SHANK2: variants seen among roughly 807,000 people sequenced by gnomAD.
SHANK2 encodes the protein SH3 and multiple ankyrin repeat domains protein 2.
SHANK2 carries 43 observed loss-of-function variants against 133.7 expected under a neutral mutation model. That is an observed-to-expected ratio of 0.32 (90% CI 0.25 to 0.41). The LOEUF is 0.41. Among genes scored for constraint, SHANK2 ranks in the 10% least tolerant of loss-of-function variants. SHANK2 has a pLI of 1.00. For missense variants in SHANK2, 1,994 were observed against 2,235.8 expected (o/e 0.89, Z 2.18); for synonymous variants, 1,017 against 952.8 (o/e 1.07, Z -1.24).
intron 2 of SHANK2, among the ~76,000 whole-genome samples, chr11:71,168,653 T>A (rs1318703984): frequency 3.3e-5 from 5 of 152,066 alleles, no homozygotes; most frequent in African/African-American, 1.2e-4. Context: ...CGAAACCCTG[T>A]CTCCACCAAA....
intron 8 of SHANK2, among the ~76,000 whole-genome samples, chr11:71,086,945 G>A (rs1268578736): frequency 3.9e-5 from 6 of 152,158 alleles, no homozygotes; most frequent in Non-Finnish European, 7.4e-5. Context: ...ATGGCTTTCC[G>A]GGCCTTTCAT....
intron 2 of SHANK2, among the ~76,000 whole-genome samples, chr11:71,197,208 G>A (rs781864385): frequency 1.4e-4 from 21 of 152,090 alleles, no homozygotes; most frequent in Non-Finnish European, 1.5e-4. Flanking sequence ...GTGACCCAAC[G>A]TGTTTGTATC....
chr11:70,785,240 C>T (rs901094561), intron 14 of SHANK2, among the ~76,000 whole-genome samples: 2 of 152,210 alleles, frequency 1.3e-5, no homozygotes, highest in African/African-American at 2.4e-5. Flanking sequence ...CCTGGGCCCC[C>T]TCCTACCCTC....
At chr11:70,585,495 AC>A (rs2060237014) in intron 17 of SHANK2, among the ~76,000 whole-genome samples, 4 of 152,202 alleles carry the variant, frequency 2.6e-5, no homozygotes, top group Admixed American at 2.6e-4. Flanking sequence ...ACACAAATTG[AC>A]CAGAATCATT....
At chr11:71,112,383 ACT>A (rs1397961038) in intron 5 of SHANK2, among the ~76,000 whole-genome samples, 3 of 152,068 alleles carry the variant, frequency 2.0e-5, no homozygotes, top group Non-Finnish European at 2.9e-5. Flanking sequence ...ACACAGCAAA[ACT>A]CTGTCTCAAA....
intron 17 of SHANK2, among the ~76,000 whole-genome samples, chr11:70,658,776 T>C (rs1476349702): frequency 6.6e-6 from 1 of 152,204 alleles, no homozygotes; most frequent in African/African-American, 2.4e-5. Context: ...CGGGTGGAGA[T>C]GTGGGCTCCT....
chr11:70,603,544 G>A (rs1387490696), intron 17 of SHANK2: 1 of 152,304 alleles, frequency 6.6e-6, no homozygotes, highest in Non-Finnish European at 1.5e-5. Context: ...TTGAGCAGGT[G>A]AGCCACTAAT....
intron 14 of SHANK2, among the ~76,000 whole-genome samples, chr11:70,798,184 G>A (rs1947960228): frequency 6.6e-6 from 1 of 152,152 alleles, no homozygotes; most frequent in Non-Finnish European, 1.5e-5. Flanking sequence ...AGAACATACG[G>A]TCCAGGTTTT....
intron 1 of SHANK2, chr11:71,226,502 C>A (rs1954646987): frequency 6.6e-6 from 1 of 152,132 alleles, no homozygotes; most frequent in African/African-American, 2.4e-5. Flanking sequence ...CAATATACAT[C>A]AGAATTAAAC....
chr11:70,932,841 A>C (rs188755223), intron 10 of SHANK2, among the ~76,000 whole-genome samples: 5 of 152,300 alleles, frequency 3.3e-5, no homozygotes, highest in African/African-American at 1.2e-4. Context: ...ACTACATAGA[A>C]AAAAAAAGGA....
intron 16 of SHANK2, among the ~76,000 whole-genome samples, chr11:70,660,585 A>C (rs1203367081): frequency 6.6e-6 from 1 of 151,452 alleles, no homozygotes; most frequent in Non-Finnish European, 1.5e-5. Flanking sequence ...GGGGCCCCAC[A>C]CAGCTGCCAG....
chr11:70,796,104 AT>A, intron 14 of SHANK2, among the ~76,000 whole-genome samples: 1 of 152,098 alleles, frequency 6.6e-6, no homozygotes, highest in Non-Finnish European at 1.5e-5. Context: ...CAGGATGTAC[AT>A]TTTCTGGCAG....
chr11:70,886,502 G>T (rs1206373709), intron 11 of SHANK2, among the ~76,000 whole-genome samples: 1 of 152,338 alleles, frequency 6.6e-6, no homozygotes, highest in African/African-American at 2.4e-5. Flanking sequence ...AAAGGCTATT[G>T]TGATTACTGC....
intron 2 of SHANK2, among the ~76,000 whole-genome samples, chr11:71,215,139 A>T (rs1954379376): frequency 6.6e-6 from 1 of 152,150 alleles, no homozygotes; most frequent in Non-Finnish European, 1.5e-5. Context: ...CCTTCATCAA[A>T]ACCCCTCGTG....
chr11:70,770,921 T>TA (rs1947236213), intron 14 of SHANK2, among the ~76,000 whole-genome samples: 1 of 123,364 alleles, frequency 8.1e-6, no homozygotes, highest in Non-Finnish European at 1.7e-5. Flanking sequence ...CTTCCTTTTT[T>TA]TTTTTTTTTT....
chr11:70,666,941 C>T (rs1160680641), intron 15 of SHANK2, among the ~76,000 whole-genome samples: 1 of 152,018 alleles, frequency 6.6e-6, no homozygotes, highest in Non-Finnish European at 1.5e-5. Context: ...TGACATGCCC[C>T]AAATGTACCC....
chr11:70,913,201 C>A (rs909700441), intron 10 of SHANK2, among the ~76,000 whole-genome samples: 2 of 151,688 alleles, frequency 1.3e-5, no homozygotes, highest in East Asian at 1.9e-4. Context: ...ATAATTAATC[C>A]CAGTGAGAAA....
At chr11:71,187,556 C>G (rs797040482) in intron 2 of SHANK2, among the ~76,000 whole-genome samples, 3 of 151,884 alleles carry the variant, frequency 2.0e-5, no homozygotes, top group South Asian at 2.1e-4. Flanking sequence ...TTTTATTCAG[C>G]ACAGTTCATG....
At chr11:70,642,397 CA>C (rs1255183238) in intron 17 of SHANK2, among the ~76,000 whole-genome samples, 1 of 152,208 alleles carries the variant, frequency 6.6e-6, no homozygotes, top group Non-Finnish European at 1.5e-5. Flanking sequence ...GCTAACAAAC[CA>C]ACCAGTGAGT....
Sources: allele counts gnomAD v4.1 joint callset (sites outside exome capture counted in the v4.1 genomes callset), GRCh38; gene constraint gnomAD v4.1.1; transcripts MANE v1.5; gene names NCBI Gene and HGNC (gene_info 2026-07-23, HGNC 2026-07-21).